Variants in FCHSD2 observed in about 807,000 individuals in gnomAD.
The protein encoded by FCHSD2 is F-BAR and double SH3 domains protein 2.
In FCHSD2, 38 loss-of-function variants were observed where a neutral mutation model predicts 108.1. The observed-to-expected ratio is 0.35, with a 90% CI of 0.27 to 0.46. The LOEUF (loss-of-function observed/expected upper bound fraction) is 0.46. FCHSD2 is among the 20% of genes least tolerant of loss of function. The pLI, the probability that FCHSD2 is intolerant of heterozygous loss-of-function variation, is 1.00. For missense variants in FCHSD2, 751 were observed against 897.8 expected (o/e 0.84, Z 2.09); for synonymous variants, 279 against 314.7 (o/e 0.89, Z 1.20).
At chr11:73,032,290 ACAAT>A (rs1858379211) in intron 3 of FCHSD2, among the ~76,000 whole-genome samples, 1 of 152,154 alleles carries the variant, frequency 6.6e-6, no homozygotes, top group South Asian at 2.1e-4. Flanking sequence ...GTACAACAGC[ACAAT>A]CATTGTTCAC....
chr11:72,868,004 G>A lies in FCHSD2; in HGVS notation c.1169C>T (p.Ala390Val), dbSNP rs767989113. Reference protein sequence around the residue: ...KAEIIKLKAEARLDLLKQIGV... With the variant: ...KAEIIKLKAEVRLDLLKQIGV... ...AATCTGCTTTAGCAGGTCCAACCGG[G>A]CTTCAGCTTTCAATTTAATTATCTA... Residue 390 changes from alanine to valine, a missense_variant, in exon 13 of 20, where the codon GCC becomes GTC. Coordinates refer to ENST00000409418, the MANE Select transcript of FCHSD2 (RefSeq NM_014824.3). 15 of 1,564,282 alleles carry A rather than the reference G, an allele frequency of 9.6e-6. No individual in the cohort carries two copies. Among genetic ancestry groups the A allele is most frequent in the Non-Finnish European group, 1.3e-5 (15 of 1,152,964 alleles).
chr11:72,954,196 ATTTTT>A (rs57517075), intron 8 of FCHSD2, among the ~76,000 whole-genome samples: 1 of 111,682 alleles, frequency 9.0e-6, no homozygotes, highest in Non-Finnish European at 1.8e-5. Context: ...AGATGTGGGG[ATTTTT>A]TTTTTTTTTT....
intron 3 of FCHSD2, among the ~76,000 whole-genome samples, chr11:73,049,124 TA>T (rs1477038004): frequency 6.6e-6 from 1 of 152,182 alleles, no homozygotes; most frequent in Non-Finnish European, 1.5e-5. Flanking sequence ...GCAAGATATG[TA>T]AAAAGACGTA....
chr11:72,840,937 T>C lies in FCHSD2; in HGVS notation c.2079A>G (p.Ser693=). ...SANEKSLHAE[S]PGFSQASRHT... ...GCCTTGATGCCTGTGAGAATCCTGGTGACTCAGCATGAAGGCTTTTTTCTA... is the reference window on the plus strand; with the variant it reads ...GCCTTGATGCCTGTGAGAATCCTGGCGACTCAGCATGAAGGCTTTTTTCTA... The change falls in exon 19 of 20, where the codon TCA becomes TCG. Residue 693 remains serine (S), a synonymous_variant. Transcript: ENST00000409418. 3.7e-6 allele frequency: 6 copies of C among 1,613,178 alleles called. No homozygotes were observed. The highest frequency in any genetic ancestry group is 5.1e-6 in the Non-Finnish European group (6 of 1,179,214).
chr11:72,954,013 T>C (rs920359271), intron 8 of FCHSD2, among the ~76,000 whole-genome samples: 1 of 152,056 alleles, frequency 6.6e-6, no homozygotes, highest in African/African-American at 2.4e-5. Context: ...CACTAGTAGG[T>C]TCTGACCAAA....
In FCHSD2 at chr11:72,870,853, T is replaced by C. The variant is rs1854840137; in HGVS notation, c.1147-2827A>G. On this transcript the variant is annotated intron_variant, in intron 12 of 19. Transcript: ENST00000409418. ...AGGCGGAGCTTTCAGTGAGCCGAGA[T>C]TGCGCCACTGCACTACAGCCTGGGT... Among the ~76,000 whole-genome samples, 2 of 132,238 alleles carry C rather than the reference T, an allele frequency of 1.5e-5. 1 individual carries two copies. Among genetic ancestry groups the C allele is most frequent in the South Asian group, 5.0e-4 (2 of 3,980 alleles). The allele number at this position is 132,238 out of a possible 152,430, so 86.8% of individuals were successfully genotyped here. A position where few individuals can be genotyped will look rare whatever the true frequency, so the allele number is the denominator to read the frequency against.
intron 3 of FCHSD2, among the ~76,000 whole-genome samples, chr11:73,025,703 G>A (rs535579437): frequency 1.6e-3 from 240 of 152,228 alleles, no homozygotes; most frequent in Middle Eastern, 3.4e-3. Context: ...CTTGGAATTA[G>A]TTTGTAGAAT....
intron 12 of FCHSD2, among the ~76,000 whole-genome samples, chr11:72,880,013 A>G (rs1855049791): frequency 6.7e-6 from 1 of 150,336 alleles, no homozygotes; most frequent in East Asian, 1.9e-4. Flanking sequence ...AAAAAAAAAA[A>G]AAAAAAAAGT....
chr11:72,939,855 G>C (rs1223296830), intron 8 of FCHSD2, among the ~76,000 whole-genome samples: 1 of 151,832 alleles, frequency 6.6e-6, no homozygotes, highest in African/African-American at 2.4e-5. Flanking sequence ...CTGACCTCAA[G>C]TGATCTGCCC....
At chr11:72,955,145 T>C (rs1369369185) in intron 8 of FCHSD2, among the ~76,000 whole-genome samples, 1 of 152,318 alleles carries the variant, frequency 6.6e-6, no homozygotes, top group East Asian at 1.9e-4. Context: ...CCACTTCAGA[T>C]GCTAATTGGA....
In FCHSD2 at chr11:72,842,582, T is replaced by C. The variant is rs1362822106; in HGVS notation, c.1926+39A>G. The C allele has an allele frequency of 2.5e-6, 4 of 1,611,982 alleles. No homozygotes were observed. The African/African-American group carries it at 4.0e-5, about 16-fold the overall frequency. On this transcript the variant is annotated intron_variant, in intron 17 of 19. Transcript: ENST00000409418. ...CAGACCCTTTGGGAGCAATTTTCTT[T>C]AAACATCTTTTAATTCAACTGTCTC... is the stretch of plus-strand genomic sequence containing the variant.
In FCHSD2 at chr11:72,954,200, T is replaced by A. The variant is rs960779611; in HGVS notation, c.705+29888A>T. ...ATATTAGCAGTAGATGTGGGGATTT[T>A]TTTTTTTTTTTTTTTTTTTTTTTGA... On this transcript the variant is annotated intron_variant, in intron 8 of 19. Transcript: ENST00000409418. Among the ~76,000 whole-genome samples, 370 of 132,406 alleles carry A rather than the reference T, an allele frequency of 2.8e-3. 44 individuals are homozygous for A. Among genetic ancestry groups the A allele is most frequent in the African/African-American group, 7.2e-3 (253 of 35,120 alleles). The allele number at this position is 132,406 out of a possible 152,430, so 86.9% of individuals were successfully genotyped here.
intron 2 of FCHSD2, among the ~76,000 whole-genome samples, chr11:73,103,497 T>G (rs1455027318): frequency 6.6e-6 from 1 of 152,214 alleles, no homozygotes; most frequent in East Asian, 1.9e-4. Flanking sequence ...TCTGCCGCCT[T>G]CTGTACTCCC....
intron 8 of FCHSD2, among the ~76,000 whole-genome samples, chr11:72,953,942 T>C (rs760248003): frequency 1.3e-4 from 20 of 152,130 alleles, no homozygotes; most frequent in South Asian, 2.1e-4. Flanking sequence ...AGGGAAGGGA[T>C]AGTAGATGAC....
intron 3 of FCHSD2, among the ~76,000 whole-genome samples, chr11:73,049,872 TAA>T (rs151320549): frequency 0.01 from 1,548 of 149,874 alleles, 11 homozygotes; most frequent in Middle Eastern, 0.024. Context: ...AAAAGGACCA[TAA>T]AAAAAAAATT....
chr11:72,887,395 T>A (rs1313727927), intron 12 of FCHSD2, 75 bp downstream of exon 12: 2 of 909,532 alleles, frequency 2.2e-6, no homozygotes, highest in Admixed American at 2.2e-5. Context: ...AGAAACTCAG[T>A]TTTAAAGATG....
intron 5 of FCHSD2, among the ~76,000 whole-genome samples, chr11:72,997,641 T>C (rs1857544736): frequency 6.6e-6 from 1 of 152,208 alleles, no homozygotes. Context: ...GAATGTAGTA[T>C]TTAAAAGTCA....
intron 5 of FCHSD2, among the ~76,000 whole-genome samples, chr11:72,992,985 G>A (rs1857447041): frequency 6.6e-6 from 1 of 152,136 alleles, no homozygotes; most frequent in Non-Finnish European, 1.5e-5. Flanking sequence ...TACAGAATGG[G>A]AGAACATTTT....
At chr11:72,986,046 G>A (rs1857304390) in intron 6 of FCHSD2, among the ~76,000 whole-genome samples, 1 of 152,162 alleles carries the variant, frequency 6.6e-6, no homozygotes, top group Admixed American at 6.5e-5. Flanking sequence ...TGCAAAGCCA[G>A]TGTGAAGAGG....
Sources: gnomAD v4.1 joint callset for allele counts (sites outside exome capture counted in the v4.1 genomes callset) on GRCh38, gnomAD v4.1.1 for gene constraint, MANE v1.5 for transcripts, NCBI Gene and HGNC (gene_info 2026-07-23, HGNC 2026-07-21) for gene names.